The following BRD10 variants were observed in gnomAD, a reference collection of about 807,000 sequenced individuals.
BRD10 encodes the protein uncharacterized bromodomain-containing protein 10.
At chr9:5,912,636 C>A in the BRD10 span, among the ~76,000 whole-genome samples, 1 of 152,146 alleles carries the variant, frequency 6.6e-6, no homozygotes, top group Non-Finnish European at 1.5e-5. Flanking sequence ...ATCCTTGTGA[C>A]CTTTGTAGAT....
chr9:5,948,088 T>G, the BRD10 span, among the ~76,000 whole-genome samples: 1 of 152,178 alleles, frequency 6.6e-6, no homozygotes, highest in African/African-American at 2.4e-5. Flanking sequence ...CTCCCTCAAG[T>G]TAACCTTTCA....
chr9:5,920,124 G>A, the BRD10 span: 1 of 1,613,916 alleles, frequency 6.2e-7, no homozygotes, highest in Non-Finnish European at 8.5e-7. Flanking sequence ...CTTAGAGGAT[G>A]TTGTAGAGGT....
chr9:5,879,388 G>C, the BRD10 span, among the ~76,000 whole-genome samples: 3 of 151,996 alleles, frequency 2.0e-5, no homozygotes, highest in Non-Finnish European at 4.4e-5. Flanking sequence ...AAAAAAGAGA[G>C]AAAGAAAAAG....
At chr9:5,956,315 C>T in the BRD10 span, among the ~76,000 whole-genome samples, 26 of 152,166 alleles carry the variant, frequency 1.7e-4, 1 homozygote, top group Middle Eastern at 0.014. Flanking sequence ...TTCAGTTCAC[C>T]ACGTCATTAG....
chr9:5,905,930 C>T, the BRD10 span, among the ~76,000 whole-genome samples: 6 of 152,120 alleles, frequency 3.9e-5, no homozygotes, highest in African/African-American at 1.4e-4. Context: ...TTTTTTCTTT[C>T]TGTTAACATT....
the BRD10 span, among the ~76,000 whole-genome samples, chr9:5,981,488 C>T: frequency 2.6e-4 from 40 of 152,248 alleles, no homozygotes; most frequent in Non-Finnish European, 3.4e-4. Flanking sequence ...CTGACAGATA[C>T]GACATCCAGA....
the BRD10 span, among the ~76,000 whole-genome samples, chr9:5,983,624 G>A: frequency 6.6e-6 from 1 of 152,068 alleles, no homozygotes; most frequent in African/African-American, 2.4e-5. Flanking sequence ...ACAGTTCACT[G>A]GATTAGACAC....
chr9:5,933,525 G>A, the BRD10 span, among the ~76,000 whole-genome samples: 2 of 152,144 alleles, frequency 1.3e-5, no homozygotes, highest in South Asian at 2.1e-4. Flanking sequence ...ACCAAACACT[G>A]GAGGTTTTAT....
chr9:5,931,133 C>G, the BRD10 span, among the ~76,000 whole-genome samples: 6 of 152,114 alleles, frequency 3.9e-5, no homozygotes, highest in African/African-American at 1.4e-4. Context: ...AATTCCTCAC[C>G]GGGAGTTACA....
chr9:5,946,987 A>C, the BRD10 span, among the ~76,000 whole-genome samples: 16 of 152,110 alleles, frequency 1.1e-4, no homozygotes, highest in Non-Finnish European at 2.1e-4. Context: ...CAATGAAGAC[A>C]TATACCTCTA....
chr9:5,950,522 G>A, the BRD10 span, among the ~76,000 whole-genome samples: 2 of 152,124 alleles, frequency 1.3e-5, no homozygotes, highest in African/African-American at 2.4e-5. Context: ...GAACCCTTGT[G>A]TTTAACCACT....
chr9:5,922,445 G>A, the BRD10 span: 98 of 1,613,806 alleles, frequency 6.1e-5, 3 homozygotes, highest in South Asian at 1.0e-3. Flanking sequence ...CAAAGGCTGT[G>A]GTCTAGCACT....
At chr9:5,923,457 A>G in the BRD10 span, 1 of 609,310 alleles carries the variant, frequency 1.6e-6, no homozygotes, top group South Asian at 2.3e-5. Context: ...AGCACCACTG[A>G]TGAAGACAAA....
chr9:5,929,214 A>C, the BRD10 span: 1 of 925,568 alleles, frequency 1.1e-6, no homozygotes, highest in South Asian at 1.5e-5. Context: ...GTAAATGTCA[A>C]AACTTATTTT....
At chr9:5,902,113 A>G in the BRD10 span, among the ~76,000 whole-genome samples, 1 of 152,140 alleles carries the variant, frequency 6.6e-6, no homozygotes, top group African/African-American at 2.4e-5. Flanking sequence ...GTTTGGTAGA[A>G]CTCACCACTG....
At chr9:5,978,425 T>C in the BRD10 span, among the ~76,000 whole-genome samples, 1 of 143,110 alleles carries the variant, frequency 7.0e-6, no homozygotes, top group Admixed American at 7.0e-5. Flanking sequence ...TTTTAAGAAA[T>C]AATAAAATGT....
the BRD10 span, chr9:5,922,272 G>A: frequency 5.6e-6 from 9 of 1,613,832 alleles, no homozygotes; most frequent in Middle Eastern, 1.6e-4. Flanking sequence ...GACCCATTTA[G>A]TGTTGTTGTT....
the BRD10 span, chr9:5,920,936 G>A: frequency 6.2e-7 from 1 of 1,613,932 alleles, no homozygotes; most frequent in Non-Finnish European, 8.5e-7. Flanking sequence ...TCTTGAAGAG[G>A]TATCATTTCC....
At chr9:5,951,533 A>G in the BRD10 span, among the ~76,000 whole-genome samples, 1 of 152,152 alleles carries the variant, frequency 6.6e-6, no homozygotes, top group Non-Finnish European at 1.5e-5. Flanking sequence ...AAATATTTCT[A>G]TATTTTTATG....
Sources: allele counts gnomAD v4.1 joint callset (sites outside exome capture counted in the v4.1 genomes callset), GRCh38; gene constraint gnomAD v4.1.1; transcripts MANE v1.5; gene names NCBI Gene and HGNC (gene_info 2026-07-23, HGNC 2026-07-21).